PPFIA2: variants seen among roughly 807,000 people sequenced by gnomAD.
PPFIA2 encodes PPFI scaffold protein A2, also known as liprin-alpha-2.
Under a neutral mutation model 175.5 loss-of-function variants are expected in PPFIA2, and 46 were observed. The observed-to-expected ratio is 0.26, with a 90% CI of 0.21 to 0.34. The LOEUF (loss-of-function observed/expected upper bound fraction) is 0.34, where lower values mean the gene tolerates loss of function less well. Ranked by LOEUF, PPFIA2 falls within the 10% of genes least tolerant of loss-of-function variation. The pLI, the probability that PPFIA2 is intolerant of heterozygous loss-of-function variation, is 1.00. For missense variants in PPFIA2, 1,179 were observed against 1,506.1 expected, an observed-to-expected ratio of 0.78 and a Z score of 3.60; for synonymous variants, 568 against 511.4, an observed-to-expected ratio of 1.11 and a Z score of -1.49.
chr12:81,620,924 A>G (rs2061978338), intron 4 of PPFIA2, among the ~76,000 whole-genome samples: 1 of 152,254 alleles, frequency 6.6e-6, no homozygotes, highest in Non-Finnish European at 1.5e-5. Context: ...AAAGTCATGG[A>G]TTCATTTACC....
intron 9 of PPFIA2, among the ~76,000 whole-genome samples, chr12:81,380,832 G>C (rs1380664934): frequency 6.6e-6 from 1 of 152,076 alleles, no homozygotes; most frequent in Non-Finnish European, 1.5e-5. Context: ...TGAGGAATTT[G>C]AGACTTTCCA....
chr12:81,296,209 C>T (rs1466269730), intron 23 of PPFIA2, among the ~76,000 whole-genome samples: 1 of 151,954 alleles, frequency 6.6e-6, no homozygotes, highest in African/African-American at 2.4e-5. Flanking sequence ...ATTCCAGCTA[C>T]GGGGGAGGCT....
chr12:81,469,316 G>A (rs901729667), intron 4 of PPFIA2, among the ~76,000 whole-genome samples: 9 of 152,134 alleles, frequency 5.9e-5, no homozygotes, highest in Admixed American at 2.0e-4. Flanking sequence ...ATGTAGGAGA[G>A]CCTGTGAAAT....
chr12:81,583,730 T>C (rs939961080), intron 4 of PPFIA2, among the ~76,000 whole-genome samples: 3 of 151,824 alleles, frequency 2.0e-5, no homozygotes, highest in East Asian at 3.9e-4. Flanking sequence ...AGACAGGGAA[T>C]GGCATCCCTA....
intron 3 of PPFIA2, among the ~76,000 whole-genome samples, chr12:81,723,874 G>A (rs2079681155): frequency 6.6e-6 from 1 of 150,860 alleles, no homozygotes. Flanking sequence ...TTTCCTTCAT[G>A]ACTGTAAATA....
intron 4 of PPFIA2, among the ~76,000 whole-genome samples, chr12:81,458,340 CT>C (rs78264175): frequency 1.3e-3 from 135 of 106,540 alleles, no homozygotes; most frequent in African/African-American, 4.6e-3. Flanking sequence ...AGGAATCTAC[CT>C]TTTTTTTTTT....
At chr12:81,345,744 A>G (rs949712901) in intron 18 of PPFIA2, among the ~76,000 whole-genome samples, 1 of 152,216 alleles carries the variant, frequency 6.6e-6, no homozygotes, top group African/African-American at 2.4e-5. Flanking sequence ...GCTCATTAAT[A>G]CTATGTAGCA....
At chr12:81,449,966 G>A (rs182720472) in intron 5 of PPFIA2, among the ~76,000 whole-genome samples, 28,467 of 151,616 alleles carry the variant, frequency 0.19, 2,979 homozygotes, top group African/African-American at 0.28. Flanking sequence ...AAAGGACATG[G>A]ACTCATCCTT....
At position 81,347,552 on chromosome 12, in the gene PPFIA2, C is replaced by T. The variant is rs374857409; in HGVS notation, c.2213G>A (p.Arg738Gln). The change falls in exon 18 of 33, where the codon CGG becomes CAG. Residue 738 changes from arginine to glutamine, a missense_variant. This residue lies in a region of PPFIA2 where 223 missense variants were observed against 241.6 expected (regional missense o/e 0.92). Transcript: ENST00000549396. ...CCATACCAGTGTCATGACTCCCATCCGATCCATTTCCCTGGCAGGGCTTCG... is the reference window on the plus strand; with the variant it reads ...CCATACCAGTGTCATGACTCCCATCTGATCCATTTCCCTGGCAGGGCTTCG... ...TPRSPAREMD[R>Q]MGVMTLPSDL... 24 of 1,609,218 alleles carry T rather than the reference C, an allele frequency of 1.5e-5. No individual in the cohort carries two copies. Among genetic ancestry groups the T allele is most frequent in the African/African-American group, 1.3e-4 (10 of 74,798 alleles).
chr12:81,335,740 C>T (rs80265243), intron 21 of PPFIA2, among the ~76,000 whole-genome samples: 24,050 of 129,056 alleles, frequency 0.19, 2,070 homozygotes, highest in Middle Eastern at 0.25. Flanking sequence ...GAAATTCTGT[C>T]TAAAAACAAC....
chr12:81,428,571 T>C (rs2047554821), intron 7 of PPFIA2, among the ~76,000 whole-genome samples: 1 of 152,028 alleles, frequency 6.6e-6, no homozygotes, highest in Non-Finnish European at 1.5e-5. Flanking sequence ...ATTTACAGTT[T>C]ATTCATTTAT....
intron 4 of PPFIA2, among the ~76,000 whole-genome samples, chr12:81,601,405 T>C (rs140665411): frequency 4.9e-4 from 74 of 152,008 alleles, no homozygotes; most frequent in African/African-American, 1.7e-3. Flanking sequence ...AATTATTCAT[T>C]GTCCATTGTG....
At chr12:81,425,751 C>A (rs1378444801) in intron 7 of PPFIA2, among the ~76,000 whole-genome samples, 1 of 152,098 alleles carries the variant, frequency 6.6e-6, no homozygotes, top group Non-Finnish European at 1.5e-5. Flanking sequence ...TACAAAACTT[C>A]CACGACACAT....
chr12:81,661,347 G>A (rs1432868331), intron 4 of PPFIA2, among the ~76,000 whole-genome samples: 1 of 152,158 alleles, frequency 6.6e-6, no homozygotes, highest in Non-Finnish European at 1.5e-5. Flanking sequence ...TAAAGGGATG[G>A]AGGAAGATCT....
At chr12:81,343,136 C>G (rs1292329215) in intron 19 of PPFIA2, among the ~76,000 whole-genome samples, 1 of 151,968 alleles carries the variant, frequency 6.6e-6, no homozygotes, top group Non-Finnish European at 1.5e-5. Flanking sequence ...TGATACAACA[C>G]TTTTCTTAAT....
intron 4 of PPFIA2, among the ~76,000 whole-genome samples, chr12:81,573,033 C>A (rs1057086422): frequency 6.6e-6 from 1 of 151,308 alleles, no homozygotes; most frequent in Non-Finnish European, 1.5e-5. Flanking sequence ...GAGAGAGAGA[C>A]TGAGACTCAT....
intron 3 of PPFIA2, among the ~76,000 whole-genome samples, chr12:81,679,916 T>C (rs1420087265): frequency 6.6e-6 from 1 of 152,010 alleles, no homozygotes; most frequent in Non-Finnish European, 1.5e-5. Flanking sequence ...ACTCTGGACA[T>C]ATGATTACTA....
At chr12:81,419,356 T>C (rs1256250926) in intron 7 of PPFIA2, among the ~76,000 whole-genome samples, 2 of 152,066 alleles carry the variant, frequency 1.3e-5, no homozygotes, top group Admixed American at 6.6e-5. Flanking sequence ...TTAAAATATA[T>C]AAAGTACTTA....
At position 81,281,454 on chromosome 12, in the gene PPFIA2, G is replaced by T. The variant is rs2042070615; in HGVS notation, c.3019-4C>A. The T allele has an allele frequency of 6.3e-7, 1 of 1,587,694 alleles. No individual in the cohort carries two copies. Among genetic ancestry groups the T allele is most frequent in the East Asian group, 2.2e-5 (1 of 44,520 alleles). ...GGGTCTGTAGAAAAACCGGACACTA[G>T]AATTGTTTTATAGCAGTCAAGTTTC... is the stretch of plus-strand genomic sequence containing the variant. On this transcript the variant is annotated splice_polypyrimidine_tract_variant and splice_region_variant and intron_variant, in intron 26 of 32. Transcript: ENST00000549396.
Sources: gnomAD v4.1 joint callset for allele counts (sites outside exome capture counted in the v4.1 genomes callset) on GRCh38, gnomAD v4.1.1 for gene constraint, gnomAD v4.1.1 regional missense constraint, MANE v1.5 for transcripts, NCBI Gene and HGNC (gene_info 2026-07-23, HGNC 2026-07-21) for gene names.